Variants in PRKAR1B observed in about 807,000 individuals in gnomAD.
PRKAR1B encodes cAMP-dependent protein kinase type I-beta regulatory subunit.
Under a neutral mutation model 46.5 loss-of-function variants are expected in PRKAR1B, and 22 were observed. The observed-to-expected ratio is 0.47, with a 90% CI of 0.34 to 0.68. The LOEUF (loss-of-function observed/expected upper bound fraction) is 0.68. Ranked by LOEUF, PRKAR1B falls within the 30% of genes least tolerant of loss-of-function variation. The pLI is 0.01. For synonymous variants in PRKAR1B, 259 were observed against 217.7 expected (o/e 1.19, Z -1.67); for missense variants, 445 against 535.6 (o/e 0.83, Z 1.67).
At chr7:562,653 C>T (rs574570548) in intron 9 of PRKAR1B, among the ~76,000 whole-genome samples, 14 of 152,352 alleles carry the variant, frequency 9.2e-5, no homozygotes, top group Admixed American at 2.6e-4. Flanking sequence ...CCTGGTCACA[C>T]CAGGTTCCAG....
rs753312815 is a variant in PRKAR1B, at chr7:726,740, C to T, written c.-23+470G>A. On this transcript the variant is annotated intron_variant, in intron 1 of 10. Transcript: ENST00000537384. ...GGCAAGATGGCGGCGCTGGGGGTGG[C>T]GGAGGCCGTGGCGGCCCCACACCCG... 2.6e-5 allele frequency: 32 copies of T among 1,243,994 alleles called. No homozygotes were observed. The highest frequency in any genetic ancestry group is 3.0e-5 in the Non-Finnish European group (30 of 995,318). The allele number at this position is 1,243,994 out of a possible 1,614,324, so 77.1% of individuals were successfully genotyped here.
intron 9 of PRKAR1B, among the ~76,000 whole-genome samples, chr7:568,183 A>G (rs1330968072): frequency 6.6e-6 from 1 of 152,138 alleles, no homozygotes; most frequent in Non-Finnish European, 1.5e-5. Context: ...GTGAGGTCAC[A>G]GCCCCCCGTG....
intron 2 of PRKAR1B, among the ~76,000 whole-genome samples, chr7:706,021 T>A (rs534372222): frequency 4.0e-5 from 6 of 149,986 alleles, no homozygotes; most frequent in African/African-American, 1.5e-4. Context: ...AGTAAAACTC[T>A]GTCTCGAAAA....
rs759197351 is a variant in PRKAR1B at position 550,461 on chromosome 7, C to T, written c.1115G>A (p.Arg372His). The change falls in exon 11 of 11, where the codon CGT (arginine) becomes CAT (histidine). Residue 372 changes from arginine to histidine, a missense_variant. By Grantham distance (29) the Arg-to-His change is conservative. This residue lies in a region of PRKAR1B where 127 missense variants were observed against 138.0 expected (regional missense o/e 0.92). Transcript: ENST00000537384. The part of the protein sequence containing the change: ...CSEILKRNIQ[R>H]YNSFISLTV Reference sequence around the variant, plus strand: ...GGTGAGGGAGATGAAGCTGTTGTAACGCTGAATGTTCCTCTTGAGGATCTC... The same window carrying T: ...GGTGAGGGAGATGAAGCTGTTGTAATGCTGAATGTTCCTCTTGAGGATCTC... 9 of 1,596,356 alleles carry T rather than the reference C, an allele frequency of 5.6e-6. 1 individual carries two copies. The highest frequency in any genetic ancestry group is 3.4e-5 in the South Asian group (3 of 88,062).
intron 9 of PRKAR1B, among the ~76,000 whole-genome samples, chr7:577,213 T>G (rs1188359217): frequency 6.6e-6 from 1 of 152,154 alleles, no homozygotes; most frequent in Non-Finnish European, 1.5e-5. Context: ...TTTGCCGAAG[T>G]TGCCAAACAT....
intron 9 of PRKAR1B, among the ~76,000 whole-genome samples, chr7:574,051 C>T (rs1369682490): frequency 3.3e-5 from 5 of 152,252 alleles, no homozygotes; most frequent in Non-Finnish European, 2.9e-5. Flanking sequence ...GGTGAGAACA[C>T]CGCGCGTGCG....
In PRKAR1B at chr7:614,062, A is replaced by G. The variant is rs188938098; in HGVS notation, c.441-6610T>C. ...GGAGGGCGGGAGGCGTGGCGCCCACAGAGGGGAGGGGAGCCAGGCCCAGAT... is the reference window on the plus strand; with the variant it reads ...GGAGGGCGGGAGGCGTGGCGCCCACGGAGGGGAGGGGAGCCAGGCCCAGAT... On this transcript the variant is annotated intron_variant, in intron 4 of 10. Coordinates refer to ENST00000537384, the MANE Select transcript of PRKAR1B (RefSeq NM_001164760.2). Among the ~76,000 whole-genome samples, 5 of 152,298 alleles carry G rather than the reference A, an allele frequency of 3.3e-5. No individual in the cohort carries two copies. The East Asian group carries it at 7.8e-4, about 24-fold the overall frequency.
rs1784519967 is a variant in PRKAR1B at position 644,180 on chromosome 7, G to A, written c.440+33049C>T. Among the ~76,000 whole-genome samples, 1 of 152,106 alleles carries A rather than the reference G, an allele frequency of 6.6e-6. No homozygotes were observed. Among genetic ancestry groups the A allele is most frequent in the Non-Finnish European group, 1.5e-5 (1 of 68,016 alleles). On this transcript the variant is annotated intron_variant, in intron 4 of 10. Transcript: ENST00000537384. The surrounding 1 kb of genome is among the most constrained non-coding windows in gnomAD (Gnocchi z 4.9). Reference sequence around the variant, plus strand: ...TCACCTACACAGGCAGGCAGCACAGGGCACCGACAGGCGGGATGTTCAACC... The same window carrying A: ...TCACCTACACAGGCAGGCAGCACAGAGCACCGACAGGCGGGATGTTCAACC...
chr7:664,079 C>T (rs978230764), intron 4 of PRKAR1B, among the ~76,000 whole-genome samples: 5 of 152,170 alleles, frequency 3.3e-5, no homozygotes, highest in Admixed American at 6.5e-5. Context: ...ACCAGCTCGA[C>T]GGTTACATTC....
intron 4 of PRKAR1B, among the ~76,000 whole-genome samples, chr7:650,196 T>A (rs1178061738): frequency 1.3e-5 from 2 of 152,134 alleles, no homozygotes; most frequent in Non-Finnish European, 2.9e-5. Flanking sequence ...GACCCAGGTG[T>A]GTGAGTGAGT....
intron 4 of PRKAR1B, among the ~76,000 whole-genome samples, chr7:620,548 G>A (rs745860520): frequency 2.6e-5 from 4 of 152,046 alleles, no homozygotes; most frequent in Non-Finnish European, 4.4e-5. Context: ...TCTTCATTGT[G>A]ATGGGAAGGA....
intron 3 of PRKAR1B, among the ~76,000 whole-genome samples, chr7:678,289 A>C (rs966077844): frequency 6.6e-6 from 1 of 152,186 alleles, no homozygotes; most frequent in East Asian, 1.9e-4. Flanking sequence ...ACAAATAAAC[A>C]TATCTACACA....
At chr7:681,076 G>C (rs1022053623) in intron 2 of PRKAR1B, among the ~76,000 whole-genome samples, 2 of 152,114 alleles carry the variant, frequency 1.3e-5, no homozygotes, top group African/African-American at 4.8e-5. Flanking sequence ...GTGATAGTGA[G>C]GGAGTTTTCA....
chr7:609,019 G>A (rs536993380), intron 4 of PRKAR1B, among the ~76,000 whole-genome samples: 33 of 141,174 alleles, frequency 2.3e-4, no homozygotes, highest in African/African-American at 7.5e-4. Flanking sequence ...AGGGAGGGCC[G>A]GGGGGCCTCC....
At chr7:577,093 TCCATCAACGGCCTCGTCCAACG>T (rs1355989633) in intron 9 of PRKAR1B, among the ~76,000 whole-genome samples, 10 of 149,434 alleles carry the variant, frequency 6.7e-5, no homozygotes, top group South Asian at 2.1e-4. Flanking sequence ...CTCATCCAAC[TCCATCAACGGCCTCGTCCAACG>T]CCATCAGCGG....
intron 1 of PRKAR1B, among the ~76,000 whole-genome samples, chr7:718,003 CT>C (rs1776794463): frequency 1.3e-5 from 2 of 152,122 alleles, no homozygotes; most frequent in Admixed American, 1.3e-4. Context: ...AGGAAGCCAG[CT>C]GCCCTTTCAT....
At chr7:681,338 A>G (rs1379252186) in intron 2 of PRKAR1B, among the ~76,000 whole-genome samples, 1 of 151,946 alleles carries the variant, frequency 6.6e-6, no homozygotes, top group Non-Finnish European at 1.5e-5. Context: ...AAAAAAAAAA[A>G]AAGAATTAGC....
rs192732433 is a variant in PRKAR1B, at chr7:623,247, C to T, written c.441-15795G>A. On this transcript the variant is annotated intron_variant, in intron 4 of 10. Transcript: ENST00000537384. The stretch of plus-strand genomic sequence containing the variant: ...TCATGGAAAGCAGAGCTCCTGCTCC[C>T]GGCTGGGGTGCCAACAGCACGGTGT... Among the ~76,000 whole-genome samples the T allele has an allele frequency of 4.9e-3, 743 of 152,318 alleles. 16 individuals carry two copies. Among genetic ancestry groups the T allele is most frequent in the Admixed American group, 0.035 (528 of 15,300 alleles).
At chr7:702,129 G>C (rs1320834618) in intron 2 of PRKAR1B, among the ~76,000 whole-genome samples, 1 of 152,142 alleles carries the variant, frequency 6.6e-6, no homozygotes, top group African/African-American at 2.4e-5. Context: ...CTATGTGATG[G>C]AAAACTTGTA....
Sources: gnomAD v4.1 joint callset for allele counts (sites outside exome capture counted in the v4.1 genomes callset) on GRCh38, gnomAD v4.1.1 for gene constraint, gnomAD v4.1.1 regional missense constraint, Gnocchi (gnomAD v3.1) non-coding constraint, MANE v1.5 for transcripts, NCBI Gene and HGNC (gene_info 2026-07-23, HGNC 2026-07-21) for gene names.